GDF3: variants seen among roughly 807,000 people sequenced by gnomAD.
GDF3 encodes the protein growth/differentiation factor 3.
In GDF3, 10 loss-of-function variants were observed where a neutral mutation model predicts 10.2. The ratio of observed to expected loss-of-function variants is 0.98; its 90% CI spans 0.60 to 1.66. GDF3 has a LOEUF of 1.66. GDF3 is among the 40% of genes most tolerant of loss of function. The pLI is 0.00. For synonymous variants in GDF3, 166 were observed against 178.5 expected, an observed-to-expected ratio of 0.93 and a Z score of 0.56; for missense variants, 450 against 438.3, an observed-to-expected ratio of 1.03 and a Z score of -0.24.
chr12:7,695,595 T>C lies in GDF3; in HGVS notation c.134A>G (p.Gln45Arg). Residue 45 changes from glutamine to arginine, a missense_variant, in exon 1 of 2, where the codon CAA (glutamine) becomes CGA (arginine). Transcript: ENST00000329913. ...TTTCTTCAAGATATAAGGCACAGGT[T>C]GGAACTTCTGGGGTGAAGGCGCCTT... ...LDKAPSPQKF[Q>R]PVPYILKKIF... 1 of 1,614,182 alleles carries C rather than the reference T, an allele frequency of 6.2e-7. No individual in the cohort carries two copies. The highest frequency in any genetic ancestry group is 8.5e-7 in the Non-Finnish European group (1 of 1,180,030).
At chr12:7,690,887 C>T (rs1864122563) in intron 1 of GDF3, among the ~76,000 whole-genome samples, 183 bp from the exon 2 acceptor site, 1 of 152,016 alleles carries the variant, frequency 6.6e-6, no homozygotes, top group Non-Finnish European at 1.5e-5. Context: ...TGCGGCGGCT[C>T]ACGCCTGTAA....
At position 7,695,674 on chromosome 12, in the gene GDF3, C is replaced by G. The variant is rs943317807; in HGVS notation, c.55G>C (p.Gly19Arg). The change falls in exon 1 of 2, where the codon GGC becomes CGC. Residue 19 changes from glycine (G) to arginine (R), a missense_variant. Coordinates refer to ENST00000329913, the MANE Select transcript of GDF3 (RefSeq NM_020634.3). ...AFSFLLILAL[G>R]QAVQFQEYVF... ...TATTCTTGAAATTGGACTGCCTGGC[C>G]CAAAGCCAGAATTAACAGGAAGCTG... The G allele has an allele frequency of 1.7e-5, 28 of 1,613,964 alleles. No homozygotes were observed. The highest frequency in any genetic ancestry group is 2.2e-5 in the Non-Finnish European group (26 of 1,180,006).
At chr12:7,693,363 C>A (rs1186775886) in intron 1 of GDF3, among the ~76,000 whole-genome samples, 3 of 141,662 alleles carry the variant, frequency 2.1e-5, no homozygotes, top group Non-Finnish European at 3.1e-5. Context: ...CGCCACCACA[C>A]CTGGCTAATT....
rs773317311 is a variant in GDF3, at chr12:7,695,600, C to T, written c.129G>A (p.Lys43=). The change falls in exon 1 of 2, where the codon AAG becomes AAA. Residue 43 remains lysine, a synonymous_variant. Transcript: ENST00000329913. ...TCAAGATATAAGGCACAGGTTGGAA[C>T]TTCTGGGGTGAAGGCGCCTTATCTA... ...LGLDKAPSPQ[K]FQPVPYILKK... 2 of 1,614,192 alleles carry T rather than the reference C, an allele frequency of 1.2e-6. No homozygotes were observed. Among genetic ancestry groups the T allele is most frequent in the Non-Finnish European group, 8.5e-7 (1 of 1,180,030 alleles).
intron 1 of GDF3, among the ~76,000 whole-genome samples, chr12:7,691,479 G>C (rs1368025656): frequency 1.3e-5 from 2 of 151,550 alleles, no homozygotes; most frequent in East Asian, 1.9e-4. Flanking sequence ...GGCTGAGATG[G>C]GAGATTTGCT....
chr12:7,690,806 A>C, intron 1 of GDF3, 102 bp from the exon 2 acceptor site: 2 of 725,010 alleles, frequency 2.8e-6, no homozygotes, highest in South Asian at 3.3e-5. Context: ...ATATAAGGGC[A>C]GGGAAAGACA....
intron 1 of GDF3, among the ~76,000 whole-genome samples, chr12:7,692,694 G>T (rs970525031): frequency 1.3e-5 from 2 of 151,918 alleles, no homozygotes; most frequent in Non-Finnish European, 2.9e-5. Context: ...AGTAGAGACG[G>T]GGTTTCACCA....
rs755496462 is a variant in GDF3 at position 7,690,015 on chromosome 12, C to T, written c.958G>A (p.Val320Ile). 26 of 1,613,498 alleles carry T rather than the reference C, an allele frequency of 1.6e-5. No homozygotes were observed. The highest frequency in any genetic ancestry group is 6.7e-5 in the Admixed American group (4 of 59,964). ...YAFMQALMHA[V>I]DPEIPQAVCI... ...ACAGCCTGGGGGATCTCTGGGTCAA[C>T]GGCATGCATCAGGGCTTGCATGAAA... Residue 320 changes from valine to isoleucine, a missense_variant, in exon 2 of 2, where the codon GTT (valine) becomes ATT (isoleucine). Physicochemically the swap from Val to Ile is conservative, Grantham distance 29. Transcript: ENST00000329913.
chr12:7,693,696 C>T (rs1864155095), intron 1 of GDF3, among the ~76,000 whole-genome samples: 1 of 151,286 alleles, frequency 6.6e-6, no homozygotes, highest in Admixed American at 6.6e-5. Context: ...CCTATAATCC[C>T]AGCACTTTGG....
chr12:7,691,993 C>T, intron 1 of GDF3, among the ~76,000 whole-genome samples: 1 of 150,070 alleles, frequency 6.7e-6, no homozygotes, highest in East Asian at 2.0e-4. Flanking sequence ...GGCGACAGAG[C>T]AAGACTCTGC....
At chr12:7,693,491 C>T (rs1592073945) in intron 1 of GDF3, among the ~76,000 whole-genome samples, 1 of 150,540 alleles carries the variant, frequency 6.6e-6, no homozygotes. Flanking sequence ...CTGCCTGCCT[C>T]GGCCTCCCAA....
intron 1 of GDF3, among the ~76,000 whole-genome samples, chr12:7,692,545 T>C (rs1281873398): frequency 1.3e-5 from 2 of 150,892 alleles, no homozygotes; most frequent in Non-Finnish European, 3.0e-5. Context: ...AGTCCTGCTC[T>C]GTTGCCCAGG....
chr12:7,694,740 A>C (rs1864164859), intron 1 of GDF3, among the ~76,000 whole-genome samples: 1 of 152,022 alleles, frequency 6.6e-6, no homozygotes, highest in Admixed American at 6.6e-5. Context: ...CATCTGAAAC[A>C]CCCGGGAGGT....
intron 1 of GDF3, 139 bp downstream of exon 1, chr12:7,695,322 T>A: frequency 2.3e-6 from 2 of 869,024 alleles, no homozygotes; most frequent in Non-Finnish European, 3.8e-6. Context: ...CCTCTCAGGA[T>A]CGTGGCTGGA....
At position 7,690,508 on chromosome 12, in the gene GDF3, C is replaced by T; in HGVS notation, c.465G>A (p.Val155=). The T allele has an allele frequency of 1.2e-6, 2 of 1,613,224 alleles. No individual in the cohort carries two copies. Among genetic ancestry groups the T allele is most frequent in the Non-Finnish European group, 1.7e-6 (2 of 1,179,282 alleles). ...LALFLVQEPH[V]WGQTTPKPGK... ...CTGGCTTAGGGGTGGTCTGGCCCCA[C>T]ACATGAGGCTCCTGAACCAGGAACA... Residue 155 remains valine, a synonymous_variant, in exon 2 of 2, where the codon GTG becomes GTA. Transcript: ENST00000329913.
At chr12:7,693,062 C>G (rs1864148762) in intron 1 of GDF3, among the ~76,000 whole-genome samples, 1 of 152,102 alleles carries the variant, frequency 6.6e-6, no homozygotes, top group African/African-American at 2.4e-5. Flanking sequence ...CAAATTTTAC[C>G]TATTCCTCTA....
rs987091750 is a variant in GDF3 at position 7,689,794 on chromosome 12, G to A, written c.*84C>T. The A allele has an allele frequency of 1.1e-6, 1 of 923,106 alleles. No individual in the cohort carries two copies. The highest frequency in any genetic ancestry group is 2.1e-4 in the Middle Eastern group (1 of 4,680). 57.2% of individuals were successfully genotyped at this position (923,106 alleles called of 1,614,324 possible). Reference sequence around the variant, plus strand: ...ATAAACACAGGTATATTGACATTTCGATCTAAGTGGTCATAAACCAGATAG... The same window carrying A: ...ATAAACACAGGTATATTGACATTTCAATCTAAGTGGTCATAAACCAGATAG... On this transcript the variant is annotated 3_prime_UTR_variant, in exon 2 of 2. Transcript: ENST00000329913.
intron 1 of GDF3, among the ~76,000 whole-genome samples, chr12:7,691,072 C>A (rs560562882): frequency 6.6e-6 from 1 of 151,602 alleles, no homozygotes; most frequent in Non-Finnish European, 1.5e-5. Context: ...ATGGCGTGAA[C>A]CCGGGAGGCG....
chr12:7,695,587 G>A lies in GDF3; in HGVS notation c.142C>T (p.Pro48Ser). The change falls in exon 1 of 2, where the codon CCT becomes TCT. Residue 48 changes from proline to serine, a missense_variant. Physicochemically the swap from Pro to Ser is moderately conservative, Grantham distance 74. Transcript: ENST00000329913. ...TGGAAAATTTTCTTCAAGATATAAG[G>A]CACAGGTTGGAACTTCTGGGGTGAA... ...APSPQKFQPV[P>S]YILKKIFQDR... The A allele has an allele frequency of 6.2e-7, 1 of 1,614,090 alleles. No individual in the cohort carries two copies. The highest frequency in any genetic ancestry group is 8.5e-7 in the Non-Finnish European group (1 of 1,179,996).
Sources: gnomAD v4.1 joint callset for allele counts (sites outside exome capture counted in the v4.1 genomes callset) on GRCh38, gnomAD v4.1.1 for gene constraint, MANE v1.5 for transcripts, NCBI Gene and HGNC (gene_info 2026-07-23, HGNC 2026-07-21) for gene names.